BMPR1A: variants seen among roughly 807,000 people sequenced by gnomAD.
The protein encoded by BMPR1A is bone morphogenetic protein receptor type-1A.
In BMPR1A, 7 loss-of-function variants were observed where a neutral mutation model predicts 66.0. The observed-to-expected ratio is 0.11, with a 90% CI of 0.06 to 0.20. BMPR1A has a LOEUF of 0.20. Ranked by LOEUF, BMPR1A falls within the 10% of genes least tolerant of loss-of-function variation. BMPR1A has a pLI of 1.00. For synonymous variants in BMPR1A, 200 were observed against 229.7 expected (o/e 0.87, Z 1.17); for missense variants, 408 against 669.1 (o/e 0.61, Z 4.31).
chr10:86,902,947 T>G (rs1843333308), intron 7 of BMPR1A, among the ~76,000 whole-genome samples: 1 of 152,150 alleles, frequency 6.6e-6, no homozygotes, highest in Admixed American at 6.6e-5. Context: ...ATTCATAGGT[T>G]TTGGTTGAAG....
intron 2 of BMPR1A, among the ~76,000 whole-genome samples, chr10:86,868,835 G>A (rs77806896): frequency 0.011 from 1,574 of 147,730 alleles, 24 homozygotes; most frequent in African/African-American, 0.037. Context: ...GCTGTTTGAG[G>A]AGTTTTAAAA....
At chr10:86,786,507 G>C (rs1172545251) in intron 1 of BMPR1A, among the ~76,000 whole-genome samples, 8 of 152,070 alleles carry the variant, frequency 5.3e-5, no homozygotes, top group African/African-American at 1.9e-4. Flanking sequence ...CTTATTTCCT[G>C]CTCGTTGAAA....
intron 1 of BMPR1A, among the ~76,000 whole-genome samples, chr10:86,802,072 C>G (rs1373347144): frequency 6.6e-6 from 1 of 152,068 alleles, no homozygotes; most frequent in African/African-American, 2.4e-5. Flanking sequence ...CCATTTTTGT[C>G]TGCGTCGTTG....
chr10:86,820,975 T>C (rs897763792), intron 1 of BMPR1A, among the ~76,000 whole-genome samples: 1 of 152,254 alleles, frequency 6.6e-6, no homozygotes, highest in Non-Finnish European at 1.5e-5. Flanking sequence ...AATTATCAAC[T>C]GTAATACCAG....
chr10:86,916,704 T>C (rs186133351), intron 8 of BMPR1A, among the ~76,000 whole-genome samples: 46 of 152,224 alleles, frequency 3.0e-4, no homozygotes, highest in African/African-American at 1.0e-3. Context: ...TAAAGTACAT[T>C]ATGGCCGGGC....
intron 1 of BMPR1A, among the ~76,000 whole-genome samples, chr10:86,818,454 G>T (rs1842068551): frequency 6.6e-6 from 1 of 152,124 alleles, no homozygotes; most frequent in African/African-American, 2.4e-5. Flanking sequence ...TAGTTCTTCG[G>T]TTAATAATTT....
intron 1 of BMPR1A, among the ~76,000 whole-genome samples, chr10:86,781,729 A>C (rs189699547): frequency 6.6e-6 from 1 of 151,778 alleles, no homozygotes; most frequent in Non-Finnish European, 1.5e-5. Context: ...TTCTGTCTCT[A>C]TGAGTTTGAT....
At chr10:86,870,411 G>T (rs1255568898) in intron 2 of BMPR1A, among the ~76,000 whole-genome samples, 1 of 151,958 alleles carries the variant, frequency 6.6e-6, no homozygotes, top group African/African-American at 2.4e-5. Context: ...CCATTGCTAA[G>T]TACCACTGAG....
intron 1 of BMPR1A, among the ~76,000 whole-genome samples, chr10:86,824,913 C>T (rs1163454401): frequency 6.6e-6 from 1 of 152,084 alleles, no homozygotes; most frequent in East Asian, 1.9e-4. Flanking sequence ...ACCCTTACTA[C>T]CTGCTTAGCA....
At chr10:86,839,592 C>CAAAA (rs1210538965) in intron 2 of BMPR1A, among the ~76,000 whole-genome samples, 16 of 72,892 alleles carry the variant, frequency 2.2e-4, no homozygotes, top group Non-Finnish European at 3.6e-4. Flanking sequence ...GACTCTGTCT[C>CAAAA]AAAAAAAAAA....
chr10:86,831,248 T>C (rs1842263629), intron 1 of BMPR1A, among the ~76,000 whole-genome samples: 1 of 152,236 alleles, frequency 6.6e-6, no homozygotes, highest in Non-Finnish European at 1.5e-5. Context: ...ATGCGAGTAC[T>C]TGTGTGTACG....
At chr10:86,814,821 T>C (rs1327625138) in intron 1 of BMPR1A, among the ~76,000 whole-genome samples, 1 of 152,168 alleles carries the variant, frequency 6.6e-6, no homozygotes, top group Admixed American at 6.5e-5. Context: ...AGTCTTACTC[T>C]GTCGCCTGGG....
At chr10:86,790,182 AAAAAAAATAT>A (rs1841585926) in intron 1 of BMPR1A, among the ~76,000 whole-genome samples, 1 of 41,926 alleles carries the variant, frequency 2.4e-5, no homozygotes, top group African/African-American at 1.7e-4. Context: ...AAAAAAAAAA[AAAAAAAATAT>A]ATATATATAT....
rs1564707571 is a variant in BMPR1A at position 86,866,395 on chromosome 10, C to CTTTCTTTTTTT, written c.-152-9468_-152-9458dup. On this transcript the variant is annotated intron_variant, in intron 2 of 12. Coordinates refer to ENST00000372037, the MANE Select transcript of BMPR1A (RefSeq NM_004329.3). ...TGGTTGTGTTAAGTTGGGCAAGTTT[C>CTTTCTTTTTTT]TTTCTTTTTTTTTTTTTTTTTTTTT... 8.4e-4 allele frequency among the ~76,000 whole-genome samples: 59 copies of CTTTCTTTTTTT among 70,650 alleles called. 2 individuals carry two copies. The highest frequency in any genetic ancestry group is 3.2e-3 in the African/African-American group (55 of 17,120). 46.3% of individuals were successfully genotyped at this position (70,650 alleles called of 152,430 possible).
chr10:86,812,525 A>G (rs1393902358), intron 1 of BMPR1A, among the ~76,000 whole-genome samples: 1 of 152,220 alleles, frequency 6.6e-6, no homozygotes, highest in Non-Finnish European at 1.5e-5. Context: ...TCACCAGCTA[A>G]GTACCTAGGA....
chr10:86,756,653 G>C lies in BMPR1A; in HGVS notation c.-534G>C, dbSNP rs1257043581. 1 of 152,092 alleles carries C rather than the reference G, an allele frequency of 6.6e-6. No homozygotes were observed. The highest frequency in any genetic ancestry group is 1.9e-4 in the East Asian group (1 of 5,146). 9.4% of individuals were successfully genotyped at this position (152,092 alleles called of 1,614,324 possible). A position where few individuals can be genotyped will look rare whatever the true frequency, so the allele number is the denominator to read the frequency against. ...CGGCGGTGGCGGCGGCCGCTGCAGA[G>C]ATTGGAATCCGCCTGCCGGGCTTGG... On this transcript the variant is annotated 5_prime_UTR_variant, in exon 1 of 13. Coordinates refer to ENST00000372037, the MANE Select transcript of BMPR1A (RefSeq NM_004329.3).
At chr10:86,799,704 G>A (rs534082991) in intron 1 of BMPR1A, among the ~76,000 whole-genome samples, 11 of 151,774 alleles carry the variant, frequency 7.2e-5, no homozygotes, top group African/African-American at 1.7e-4. Context: ...GGCGCACATC[G>A]TCACACCCAG....
At chr10:86,911,391 C>T (rs911276429) in intron 7 of BMPR1A, among the ~76,000 whole-genome samples, 31 of 151,950 alleles carry the variant, frequency 2.0e-4, no homozygotes, top group Admixed American at 3.9e-4. Context: ...ATATAATGAA[C>T]GCCTACAAAT....
intron 1 of BMPR1A, among the ~76,000 whole-genome samples, chr10:86,825,741 T>G (rs959193433): frequency 6.6e-6 from 1 of 152,202 alleles, no homozygotes; most frequent in Non-Finnish European, 1.5e-5. Context: ...TCACCCAAAG[T>G]ACTGGGATTA....
Sources: allele counts gnomAD v4.1 joint callset (sites outside exome capture counted in the v4.1 genomes callset), GRCh38; gene constraint gnomAD v4.1.1; transcripts MANE v1.5; gene names NCBI Gene and HGNC (gene_info 2026-07-23, HGNC 2026-07-21).